NHLRC2: variants seen among roughly 807,000 people sequenced by gnomAD.
The protein encoded by NHLRC2 is NHL repeat-containing protein 2.
NHLRC2 carries 33 observed loss-of-function variants against 68.1 expected under a neutral mutation model. The observed-to-expected ratio is 0.48, with a 90% CI of 0.37 to 0.65. The LOEUF (loss-of-function observed/expected upper bound fraction) is 0.65. Among genes scored for constraint, NHLRC2 ranks in the 30% least tolerant of loss-of-function variants. The pLI is 0.00. For missense variants in NHLRC2, 761 were observed against 853.8 expected (o/e 0.89, Z 1.35); for synonymous variants, 311 against 309.6 (o/e 1.00, Z -0.05).
intron 6 of NHLRC2, among the ~76,000 whole-genome samples, chr10:113,901,355 A>C (rs1846226730): frequency 6.6e-6 from 1 of 152,298 alleles, no homozygotes; most frequent in African/African-American, 2.4e-5. Flanking sequence ...AACCTATCTC[A>C]TCAATAATCT....
chr10:113,883,313 A>G (rs1311998626), intron 4 of NHLRC2, among the ~76,000 whole-genome samples: 1 of 151,864 alleles, frequency 6.6e-6, no homozygotes, highest in Non-Finnish European at 1.5e-5. Flanking sequence ...CTTGCTTTTA[A>G]GCATTAGCAA....
At chr10:113,902,942 G>C (rs571536673) in intron 8 of NHLRC2, among the ~76,000 whole-genome samples, 1 of 152,262 alleles carries the variant, frequency 6.6e-6, no homozygotes, top group Admixed American at 6.5e-5. Context: ...TTGAGCTGTT[G>C]CATAGTTACA....
chr10:113,905,112 G>T, intron 10 of NHLRC2, 76 bp downstream of exon 10: 1 of 825,400 alleles, frequency 1.2e-6, no homozygotes, highest in Non-Finnish European at 1.8e-6. Context: ...TATTTGTTAG[G>T]TGATATTTTT....
Position 113,876,524 on chromosome 10 carries a change from G to T in NHLRC2, c.335G>T (p.Gly112Val). The change falls in exon 3 of 11, where the codon GGT becomes GTT. Residue 112 changes from glycine (G) to valine (V), a missense_variant. Coordinates refer to ENST00000369301, the MANE Select transcript of NHLRC2 (RefSeq NM_198514.4). Reference sequence around the variant, plus strand: ...ACATATAATTTTTTCCTTTCAGATGGTCTTCTTATTATTGGTGTTCACTCG... The same window carrying T: ...ACATATAATTTTTTCCTTTCAGATGTTCTTCTTATTATTGGTGTTCACTCG... ...ALEHTYSDKD[G>V]LLIIGVHSAK... The T allele has an allele frequency of 6.4e-7, 1 of 1,562,452 alleles. No homozygotes were observed.
At chr10:113,881,505 C>T (rs892863169) in intron 4 of NHLRC2, among the ~76,000 whole-genome samples, 2 of 151,552 alleles carry the variant, frequency 1.3e-5, no homozygotes, top group Admixed American at 6.6e-5. Flanking sequence ...TCATGGCTCA[C>T]GAACATTGTT....
chr10:113,855,777 G>A (rs1845748563), intron 1 of NHLRC2, among the ~76,000 whole-genome samples: 1 of 152,182 alleles, frequency 6.6e-6, no homozygotes. Context: ...GGGATTACAG[G>A]CGTGAGCCAC....
chr10:113,901,623 A>G lies in NHLRC2; in HGVS notation c.1140-43A>G, dbSNP rs769377706. On this transcript the variant is annotated intron_variant, in intron 6 of 10. Transcript: ENST00000369301. ...TTATTTAAGAACTAAATTGCACACAATATACCACATGTTGACTCCACCTAT... is the reference window on the plus strand; with the variant it reads ...TTATTTAAGAACTAAATTGCACACAGTATACCACATGTTGACTCCACCTAT... The G allele has an allele frequency of 1.6e-5, 20 of 1,239,038 alleles. No individual in the cohort carries two copies. The South Asian group carries it at 2.3e-4, about 14-fold the overall frequency. 76.8% of individuals were successfully genotyped at this position (1,239,038 alleles called of 1,614,324 possible).
At chr10:113,863,704 A>G (rs540954222) in intron 2 of NHLRC2, among the ~76,000 whole-genome samples, 1 of 152,292 alleles carries the variant, frequency 6.6e-6, no homozygotes, top group South Asian at 2.1e-4. Context: ...AAAGTACCAG[A>G]AAAATTCCTA....
chr10:113,883,069 T>A (rs1846049962), intron 4 of NHLRC2, among the ~76,000 whole-genome samples: 1 of 151,848 alleles, frequency 6.6e-6, no homozygotes, highest in Non-Finnish European at 1.5e-5. Flanking sequence ...TTGCTGTAGC[T>A]TTTAATAATG....
In NHLRC2 at chr10:113,895,182, A is replaced by G. The variant is rs148643260; in HGVS notation, c.1040-2928A>G. Among the ~76,000 whole-genome samples the G allele has an allele frequency of 1.9e-3, 293 of 152,332 alleles. 2 individuals are homozygous for G. Among genetic ancestry groups the G allele is most frequent in the African/African-American group, 6.8e-3 (282 of 41,590 alleles). On this transcript the variant is annotated intron_variant, in intron 5 of 10. Transcript: ENST00000369301. ...GGATTAGAGATGAATCATTAGTACT[A>G]TTAGGAAATACCAACCATCATTAGG... is the stretch of plus-strand genomic sequence containing the variant.
Position 113,902,614 on chromosome 10 carries a change from A to G in NHLRC2, c.1494+21A>G, listed in dbSNP as rs1056839123. On this transcript the variant is annotated intron_variant, in intron 8 of 10. Transcript: ENST00000369301. Reference sequence around the variant, plus strand: ...ACAAGGTGAGTCGTGACAGAATTATATAATATCTTGCTTTTTGTGTGTGGC... The same window carrying G: ...ACAAGGTGAGTCGTGACAGAATTATGTAATATCTTGCTTTTTGTGTGTGGC... The G allele has an allele frequency of 1.0e-5, 16 of 1,592,540 alleles. No individual in the cohort carries two copies. In the Admixed American group the frequency reaches 1.1e-4, roughly 11 times the overall value.
In NHLRC2 at chr10:113,871,452, T is replaced by C. The variant is rs1589537612; in HGVS notation, c.332-5069T>C. 2.0e-5 allele frequency among the ~76,000 whole-genome samples: 3 copies of C among 152,232 alleles called. No individual in the cohort carries two copies. The East Asian group carries it at 5.8e-4, about 29-fold the overall frequency. ...ATTGATTTCACTTGTCTAATTATGTTGGCTAATCCCCCACGCCCCACCTCA... is the reference window on the plus strand; with the variant it reads ...ATTGATTTCACTTGTCTAATTATGTCGGCTAATCCCCCACGCCCCACCTCA... On this transcript the variant is annotated intron_variant, in intron 2 of 10. Transcript: ENST00000369301.
At chr10:113,899,319 G>A (rs370603864) in intron 6 of NHLRC2, among the ~76,000 whole-genome samples, 1 of 152,296 alleles carries the variant, frequency 6.6e-6, no homozygotes, top group East Asian at 1.9e-4. Context: ...AGGCTGTCAC[G>A]TAGCCATGGA....
chr10:113,866,367 C>G (rs1001602687), intron 2 of NHLRC2, among the ~76,000 whole-genome samples: 5 of 152,064 alleles, frequency 3.3e-5, no homozygotes, highest in African/African-American at 1.2e-4. Context: ...TTGAGAACTT[C>G]TAAGTTTTTT....
chr10:113,893,448 T>A (rs756114473), intron 5 of NHLRC2, among the ~76,000 whole-genome samples: 3 of 152,174 alleles, frequency 2.0e-5, no homozygotes, highest in Non-Finnish European at 4.4e-5. Flanking sequence ...ATGAAGATGA[T>A]GATAATAAGA....
intron 4 of NHLRC2, among the ~76,000 whole-genome samples, chr10:113,883,229 G>T (rs1846051503): frequency 6.6e-6 from 1 of 151,750 alleles, no homozygotes; most frequent in African/African-American, 2.4e-5. Flanking sequence ...TAAACATATT[G>T]TCTCCAAAAA....
intron 2 of NHLRC2, among the ~76,000 whole-genome samples, chr10:113,866,854 A>G (rs757360691): frequency 6.6e-5 from 10 of 151,866 alleles, no homozygotes; most frequent in Non-Finnish European, 1.5e-4. Context: ...GATACCAAGC[A>G]GAATCAGGAA....
Position 113,907,709 on chromosome 10 carries a change from G to C in NHLRC2, c.1925-571G>C, listed in dbSNP as rs1589550550. Among the ~76,000 whole-genome samples the C allele has an allele frequency of 3.3e-5, 5 of 151,960 alleles. No individual in the cohort carries two copies. The South Asian group carries it at 1.0e-3, about 32-fold the overall frequency. On this transcript the variant is annotated intron_variant, in intron 10 of 10. Transcript: ENST00000369301. The stretch of plus-strand genomic sequence containing the variant: ...ATCTCTTGGTTTTTACATTACTTAA[G>C]CCCACAGAGAATAGATATGCAATGG...
chr10:113,896,035 TG>T (rs1846174055), intron 5 of NHLRC2, among the ~76,000 whole-genome samples: 1 of 152,162 alleles, frequency 6.6e-6, no homozygotes, highest in South Asian at 2.1e-4. Flanking sequence ...GGAGAGGATG[TG>T]GAGAAATAGG....
Sources: gnomAD v4.1 joint callset for allele counts (sites outside exome capture counted in the v4.1 genomes callset) on GRCh38, gnomAD v4.1.1 for gene constraint, MANE v1.5 for transcripts, NCBI Gene and HGNC (gene_info 2026-07-23, HGNC 2026-07-21) for gene names.